The following KCND2 variants were observed in gnomAD, a reference collection of about 807,000 sequenced individuals.
KCND2 encodes A-type voltage-gated potassium channel KCND2.
In KCND2, 16 loss-of-function variants were observed where a neutral mutation model predicts 54.4. The ratio of observed to expected loss-of-function variants is 0.29; its 90% confidence interval spans 0.20 to 0.45. The LOEUF (loss-of-function observed/expected upper bound fraction) is 0.45, where lower values mean the gene tolerates loss of function less well. Among genes scored for constraint, KCND2 ranks in the 20% least tolerant of loss-of-function variants. The probability of loss-of-function intolerance (pLI) is 1.00; values close to 1 mark genes in which losing one functional copy is unlikely to be tolerated. For synonymous variants in KCND2, 317 were observed against 310.7 expected (o/e 1.02, Z -0.21); for missense variants, 486 against 824.2 (o/e 0.59, Z 5.02).
chr7:120,294,934 G>T (rs778586614), intron 1 of KCND2, among the ~76,000 whole-genome samples: 1 of 151,300 alleles, frequency 6.6e-6, no homozygotes, highest in Non-Finnish European at 1.5e-5. Context: ...CTCTTGCCTA[G>T]GTTAGAAACT....
Position 120,519,163 on chromosome 7 carries a change from A to T in KCND2, c.1116-213740A>T, listed in dbSNP as rs115648923. On this transcript the variant is annotated intron_variant, in intron 1 of 5. Transcript: ENST00000331113. ...GTCAACGTGGTGAAAACCCTTCTCT[A>T]CTAACAATACAAAAAACAACAACAA... Among the ~76,000 whole-genome samples, 1,442 of 152,096 alleles carry T rather than the reference A, an allele frequency of 9.5e-3. 19 individuals are homozygous for T. The highest frequency in any genetic ancestry group is 0.032 in the African/African-American group (1,341 of 41,500).
intron 1 of KCND2, among the ~76,000 whole-genome samples, chr7:120,524,230 G>T (rs138034264): frequency 6.7e-6 from 1 of 150,114 alleles, no homozygotes; most frequent in African/African-American, 2.5e-5. Context: ...GCAAGACTCC[G>T]TCAAAAAAAA....
In KCND2 at chr7:120,606,732, TATA is replaced by T. The variant is rs1792887471; in HGVS notation, c.1116-126167_1116-126165del. Reference sequence around the variant, plus strand: ...CTATTTCATTGATATGTGTATGTAATATAATATATATAAAAGATAAATATATAA... The same window carrying T: ...CTATTTCATTGATATGTGTATGTAATATATATATAAAAGATAAATATATAA... On this transcript the variant is annotated intron_variant, in intron 1 of 5. Transcript: ENST00000331113. Among the ~76,000 whole-genome samples the T allele has an allele frequency of 5.3e-5, 8 of 151,952 alleles. No homozygotes were observed. The South Asian group carries it at 1.7e-3, about 31-fold the overall frequency.
chr7:120,339,359 A>G (rs1220806135), intron 1 of KCND2, among the ~76,000 whole-genome samples: 2 of 152,192 alleles, frequency 1.3e-5, no homozygotes, highest in South Asian at 2.1e-4. Flanking sequence ...TAAATATTGC[A>G]TGCATTGTTG....
chr7:120,601,564 A>T (rs922786527), intron 1 of KCND2, among the ~76,000 whole-genome samples: 2 of 152,160 alleles, frequency 1.3e-5, no homozygotes, highest in Non-Finnish European at 2.9e-5. Flanking sequence ...TATAAGAGTT[A>T]ATCGCTGGAC....
chr7:120,434,972 A>G (rs1801845490), intron 1 of KCND2, among the ~76,000 whole-genome samples: 1 of 152,208 alleles, frequency 6.6e-6, no homozygotes, highest in Non-Finnish European at 1.5e-5. Context: ...GAAGAAAAAA[A>G]AAAGAATAAT....
chr7:120,742,206 T>C (rs1792950228), intron 3 of KCND2: 1 of 350,178 alleles, frequency 2.9e-6, no homozygotes, highest in Admixed American at 4.3e-5. Flanking sequence ...AGCACTATGC[T>C]AAATTTGATC....
intron 1 of KCND2, among the ~76,000 whole-genome samples, chr7:120,671,209 C>G (rs186422850): frequency 6.6e-6 from 1 of 151,954 alleles, no homozygotes; most frequent in Non-Finnish European, 1.5e-5. Flanking sequence ...CACCAGGGTC[C>G]GGTTTCGTGG....
chr7:120,540,857 G>A (rs1791971406), intron 1 of KCND2, among the ~76,000 whole-genome samples: 1 of 152,042 alleles, frequency 6.6e-6, no homozygotes, highest in African/African-American at 2.4e-5. Flanking sequence ...GTCCAAATTT[G>A]TTAGTTTCTG....
chr7:120,401,509 G>A (rs1018618880), intron 1 of KCND2, among the ~76,000 whole-genome samples: 4 of 152,030 alleles, frequency 2.6e-5, no homozygotes, highest in Admixed American at 2.6e-4. Flanking sequence ...GTATTTCTAG[G>A]GAGCACACAG....
chr7:120,481,925 A>C (rs1044576458), intron 1 of KCND2, among the ~76,000 whole-genome samples: 16 of 152,176 alleles, frequency 1.1e-4, no homozygotes, highest in Admixed American at 2.6e-4. Flanking sequence ...ATCTCAAAAA[A>C]TTCTCATTAG....
intron 1 of KCND2, among the ~76,000 whole-genome samples, chr7:120,574,007 G>T (rs1226083691): frequency 6.6e-6 from 1 of 152,064 alleles, no homozygotes; most frequent in Non-Finnish European, 1.5e-5. Flanking sequence ...CTGCACTTTT[G>T]TCCCTGTGCT....
chr7:120,277,484 AG>A (rs1389529286), intron 1 of KCND2, among the ~76,000 whole-genome samples: 4 of 152,048 alleles, frequency 2.6e-5, no homozygotes, highest in Non-Finnish European at 5.9e-5. Flanking sequence ...TTTAATAGGA[AG>A]GGAGAACTAT....
intron 1 of KCND2, among the ~76,000 whole-genome samples, chr7:120,698,472 G>T (rs950407509): frequency 6.6e-6 from 1 of 152,126 alleles, no homozygotes; most frequent in African/African-American, 2.4e-5. Flanking sequence ...TTGTTATGAG[G>T]ATTAAATGAG....
At chr7:120,391,028 C>T (rs188733763) in intron 1 of KCND2, among the ~76,000 whole-genome samples, 4 of 151,880 alleles carry the variant, frequency 2.6e-5, no homozygotes, top group South Asian at 2.1e-4. Context: ...TTTTAAGCCC[C>T]GCATGATTAG....
intron 1 of KCND2, among the ~76,000 whole-genome samples, chr7:120,330,581 C>CAAA (rs3067024): frequency 0.17 from 8,026 of 48,340 alleles, 2,763 homozygotes; most frequent in Non-Finnish European, 0.19. Context: ...AACTCTGTCT[C>CAAA]AAAAAAAAAA....
At chr7:120,683,512 T>C (rs1359335751) in intron 1 of KCND2, among the ~76,000 whole-genome samples, 6 of 152,122 alleles carry the variant, frequency 3.9e-5, no homozygotes, top group Non-Finnish European at 7.4e-5. Flanking sequence ...TCAAAACCAA[T>C]GTGAAAAGTT....
intron 1 of KCND2, among the ~76,000 whole-genome samples, chr7:120,423,464 T>C (rs1459659916): frequency 6.6e-6 from 1 of 152,246 alleles, no homozygotes; most frequent in African/African-American, 2.4e-5. Context: ...ACTCCACATC[T>C]TCAGCTATCT....
At chr7:120,651,001 C>T (rs556798264) in intron 1 of KCND2, among the ~76,000 whole-genome samples, 10 of 143,312 alleles carry the variant, frequency 7.0e-5, no homozygotes, top group Admixed American at 2.7e-4. Flanking sequence ...GGTACCCAAC[C>T]GTGTGAGGTG....
Sources: allele counts gnomAD v4.1 joint callset (sites outside exome capture counted in the v4.1 genomes callset), GRCh38; gene constraint gnomAD v4.1.1; transcripts MANE v1.5; gene names NCBI Gene and HGNC (gene_info 2026-07-23, HGNC 2026-07-21).